FOXP2: variants seen among roughly 807,000 people sequenced by gnomAD.
FOXP2 encodes forkhead box P2, also known as forkhead box protein P2.
A neutral mutation model predicts 115.8 loss-of-function variants in FOXP2; 12 were observed. The ratio of observed to expected loss-of-function variants is 0.10; its 90% confidence interval spans 0.07 to 0.17. The LOEUF is 0.17. FOXP2 is among the 10% of genes least tolerant of loss of function. The probability of loss-of-function intolerance (pLI) is 1.00; values close to 1 mark genes in which losing one functional copy is unlikely to be tolerated. For synonymous variants in FOXP2, 328 were observed against 297.7 expected, an observed-to-expected ratio of 1.10 and a Z score of -1.05; for missense variants, 629 against 843.5, an observed-to-expected ratio of 0.75 and a Z score of 3.15.
At chr7:114,181,733 A>C (rs1793462371) in intron 1 of FOXP2, among the ~76,000 whole-genome samples, 2 of 152,108 alleles carry the variant, frequency 1.3e-5, no homozygotes, top group Admixed American at 1.3e-4. Flanking sequence ...TTATTAAATC[A>C]GTGGGTCAAT....
At chr7:114,140,070 G>T (rs903090295) in intron 1 of FOXP2, among the ~76,000 whole-genome samples, 1 of 151,960 alleles carries the variant, frequency 6.6e-6, no homozygotes, top group Non-Finnish European at 1.5e-5. Context: ...CTGAGATCGC[G>T]CCACTGCACT....
intron 2 of FOXP2, among the ~76,000 whole-genome samples, chr7:114,333,796 G>T (rs1797773282): frequency 6.6e-6 from 1 of 151,982 alleles, no homozygotes; most frequent in Non-Finnish European, 1.5e-5. Flanking sequence ...GCTGAGGCAG[G>T]AGAATTGCTT....
At chr7:114,316,601 G>C (rs961978368) in intron 2 of FOXP2, among the ~76,000 whole-genome samples, 2 of 152,102 alleles carry the variant, frequency 1.3e-5, no homozygotes, top group African/African-American at 4.8e-5. Flanking sequence ...TCGTATGGTG[G>C]CTTTATAGTA....
chr7:114,504,521 C>T (rs1236900950), intron 2 of FOXP2, among the ~76,000 whole-genome samples: 1 of 151,614 alleles, frequency 6.6e-6, no homozygotes, highest in Non-Finnish European at 1.5e-5. Context: ...ATATTTTACT[C>T]ATTTTTAAGT....
intron 1 of FOXP2, among the ~76,000 whole-genome samples, chr7:114,178,507 T>G (rs944671736): frequency 6.6e-6 from 1 of 152,002 alleles, no homozygotes; most frequent in Non-Finnish European, 1.5e-5. Flanking sequence ...GAGATACAAC[T>G]TGTTCTAGTT....
Position 114,629,978 on chromosome 7 carries a change from A to G in FOXP2, c.570A>G (p.Gln190=), listed in dbSNP as rs61758964. 7,169 of 1,609,070 alleles carry G rather than the reference A, an allele frequency of 4.5e-3. 373 individuals are homozygous for G. In the Admixed American group the frequency reaches 0.1, roughly 23 times the overall value. Reference sequence around the variant, plus strand: ...AGCAGCAACAGCAGCAGCAGCAGCAACAGCATCCTGGAAAGCAAGCGAAAG... The same window carrying G: ...AGCAGCAACAGCAGCAGCAGCAGCAGCAGCATCCTGGAAAGCAAGCGAAAG... ...QQQQQQQQQQ[Q]QHPGKQAKEQ... Residue 190 remains glutamine (Q), a synonymous_variant, in exon 5 of 17, where the codon CAA becomes CAG. Coordinates refer to ENST00000350908, the MANE Select transcript of FOXP2 (RefSeq NM_014491.4).
chr7:114,410,499 TG>T (rs1793137295), upstream of FOXP2, among the ~76,000 whole-genome samples: 1 of 152,094 alleles, frequency 6.6e-6, no homozygotes, highest in African/African-American at 2.4e-5. Flanking sequence ...CTTTTCAGGC[TG>T]GAGGGAAGGA....
At chr7:114,261,463 C>G (rs575548596) in intron 1 of FOXP2, among the ~76,000 whole-genome samples, 17 of 152,034 alleles carry the variant, frequency 1.1e-4, no homozygotes, top group Non-Finnish European at 1.8e-4. Context: ...AAAGACTATT[C>G]AGGTTAAAAG....
At chr7:114,325,820 G>A (rs185818220) in intron 2 of FOXP2, among the ~76,000 whole-genome samples, 2 of 152,066 alleles carry the variant, frequency 1.3e-5, no homozygotes, top group South Asian at 2.1e-4. Context: ...AACATATTCA[G>A]TTATCTTATG....
intron 2 of FOXP2, among the ~76,000 whole-genome samples, chr7:114,531,002 T>C (rs560252269): frequency 3.3e-4 from 50 of 151,956 alleles, no homozygotes; most frequent in African/African-American, 1.2e-3. Context: ...ATGTCTTACC[T>C]TAATTTTCTT....
At chr7:114,362,777 T>C (rs763481695) in intron 2 of FOXP2, among the ~76,000 whole-genome samples, 6 of 151,820 alleles carry the variant, frequency 4.0e-5, no homozygotes, top group Non-Finnish European at 1.5e-5. Flanking sequence ...GCTAAAGATA[T>C]AATTACTTCT....
intron 1 of FOXP2, chr7:114,419,747 C>CACACACACACACACACACACACACA (rs71314645): frequency 2.0e-5 from 3 of 151,454 alleles, no homozygotes; most frequent in African/African-American, 7.3e-5. Flanking sequence ...CACACACACA[C>CACACACACACACACACACACACACA]CCCAGAAAGG....
intron 1 of FOXP2, among the ~76,000 whole-genome samples, chr7:114,210,402 G>A (rs1336582815): frequency 6.6e-6 from 1 of 152,058 alleles, no homozygotes; most frequent in Non-Finnish European, 1.5e-5. Context: ...CTACCATAGG[G>A]CTGCTGCAGT....
In FOXP2 at chr7:114,654,081, G is replaced by A. The variant is rs1422172329; in HGVS notation, c.1266+72G>A. ...ACAGACTAAGAAAATGAACAATTTA[G>A]TGACAGTTAGAAAACAATGAGTGTG... is the stretch of plus-strand genomic sequence containing the variant. On this transcript the variant is annotated intron_variant, in intron 10 of 16. Coordinates refer to ENST00000350908, the MANE Select transcript of FOXP2 (RefSeq NM_014491.4). 3.1e-6 allele frequency: 5 copies of A among 1,609,464 alleles called. No individual in the cohort carries two copies. In the African/African-American group the frequency reaches 5.3e-5, roughly 17 times the overall value.
intron 2 of FOXP2, among the ~76,000 whole-genome samples, chr7:114,514,496 C>T (rs1798232933): frequency 6.6e-6 from 1 of 151,880 alleles, no homozygotes; most frequent in Non-Finnish European, 1.5e-5. Context: ...ATACAAGTAA[C>T]ATCATGGAAT....
intron 1 of FOXP2, among the ~76,000 whole-genome samples, chr7:114,253,829 G>A (rs2396719): frequency 0.24 from 35,902 of 152,080 alleles, 4,843 homozygotes; most frequent in African/African-American, 0.34. Flanking sequence ...ATTTGATCCT[G>A]TCATTATGAT....
At chr7:114,571,586 C>A (rs1447433928) in intron 3 of FOXP2, among the ~76,000 whole-genome samples, 1 of 151,720 alleles carries the variant, frequency 6.6e-6, no homozygotes. Flanking sequence ...AACCACAGAT[C>A]CAAAATAGTT....
chr7:114,192,316 C>CTTTTTT (rs1793782971), intron 1 of FOXP2, among the ~76,000 whole-genome samples: 1 of 152,090 alleles, frequency 6.6e-6, no homozygotes, highest in African/African-American at 2.4e-5. Context: ...TGATAGATCA[C>CTTTTTT]TTCTTTTTAT....
At position 114,357,800 on chromosome 7, in the gene FOXP2, G is replaced by C. The variant is rs117161851; in HGVS notation, c.-10-68702G>C. Among the ~76,000 whole-genome samples, 605 of 152,032 alleles carry C rather than the reference G, an allele frequency of 4.0e-3. 2 individuals carry two copies. Among genetic ancestry groups the C allele is most frequent in the Non-Finnish European group, 6.5e-3 (443 of 67,974 alleles). On this transcript the variant is annotated intron_variant, in intron 2 of 17. Coordinates refer to the FOXP2 transcript ENST00000634411. ...ATTCCACTGAATATTCTACTGAATA[G>C]CAGCAGTGTGGTTTGTAGAATTAAC... is the stretch of plus-strand genomic sequence containing the variant.
Sources: allele counts gnomAD v4.1 joint callset (sites outside exome capture counted in the v4.1 genomes callset), GRCh38; gene constraint gnomAD v4.1.1; transcripts MANE v1.5; gene names NCBI Gene and HGNC (gene_info 2026-07-23, HGNC 2026-07-21).